SRPK2: variants seen among roughly 807,000 people sequenced by gnomAD.
SRPK2 encodes SRSF protein kinase 2, also known as SFRS protein kinase 2.
A neutral mutation model predicts 90.8 loss-of-function variants in SRPK2; 21 were observed. The observed-to-expected ratio is 0.23, with a 90% CI of 0.16 to 0.33. The LOEUF (loss-of-function observed/expected upper bound fraction) is 0.33, where lower values mean the gene tolerates loss of function less well. Among genes scored for constraint, SRPK2 ranks in the 10% least tolerant of loss-of-function variants. The pLI is 1.00. For synonymous variants in SRPK2, 288 were observed against 311.1 expected (o/e 0.93, Z 0.78); for missense variants, 620 against 869.0 (o/e 0.71, Z 3.60).
chr7:105,287,975 G>C (rs1808394029), intron 2 of SRPK2, among the ~76,000 whole-genome samples: 1 of 152,066 alleles, frequency 6.6e-6, no homozygotes, highest in African/African-American at 2.4e-5. Flanking sequence ...CAAAAACACT[G>C]CCATCACACC....
intron 7 of SRPK2, among the ~76,000 whole-genome samples, chr7:105,150,002 GT>G (rs1805384110): frequency 6.6e-6 from 1 of 151,794 alleles, no homozygotes; most frequent in South Asian, 2.1e-4. Flanking sequence ...CCTCACAGAG[GT>G]TACCAATTCA....
chr7:105,115,982 TAAAG>T (rs745548403), downstream of SRPK2, among the ~76,000 whole-genome samples: 7 of 152,178 alleles, frequency 4.6e-5, no homozygotes, highest in African/African-American at 9.6e-5. Flanking sequence ...GCAAATTTCA[TAAAG>T]AAATTAATGA....
intron 3 of SRPK2, among the ~76,000 whole-genome samples, chr7:105,176,621 GTA>G (rs60848545): frequency 1.4e-5 from 2 of 147,554 alleles, no homozygotes; most frequent in East Asian, 2.0e-4. Flanking sequence ...ATACGTGTGT[GTA>G]TATATATATA....
At chr7:105,165,365 T>C (rs1789902682) in intron 6 of SRPK2, among the ~76,000 whole-genome samples, 2 of 152,212 alleles carry the variant, frequency 1.3e-5, no homozygotes, top group South Asian at 2.1e-4. Context: ...CTTCCAAAGA[T>C]AACTAGTATT....
chr7:105,240,921 TTTA>T (rs1800734996), intron 2 of SRPK2, among the ~76,000 whole-genome samples: 1 of 152,230 alleles, frequency 6.6e-6, no homozygotes, highest in Non-Finnish European at 1.5e-5. Flanking sequence ...CCTGCAATGT[TTTA>T]TTGTTATTAT....
At chr7:105,275,429 AT>A (rs1422362271) in intron 2 of SRPK2, among the ~76,000 whole-genome samples, 1 of 47,950 alleles carries the variant, frequency 2.1e-5, no homozygotes, top group East Asian at 2.4e-4. Context: ...ATTCACTGTG[AT>A]TTCCCCCATT....
rs79317095 is a variant in SRPK2, at chr7:105,134,489, G to A, written c.1544-1385C>T. The stretch of plus-strand genomic sequence containing the variant: ...AAACCTGTTTTCTTTATAAACTACC[G>A]GGTTTCCGGTATTTTTTACAGCAAT... On this transcript the variant is annotated intron_variant, in intron 11 of 15. Transcript: ENST00000393651. Among the ~76,000 whole-genome samples, 1,505 of 152,296 alleles carry A rather than the reference G, an allele frequency of 9.9e-3. 13 individuals are homozygous for A. Among genetic ancestry groups the A allele is most frequent in the Non-Finnish European group, 0.016 (1,065 of 68,024 alleles).
chr7:105,153,694 G>A (rs1806086115), intron 7 of SRPK2, among the ~76,000 whole-genome samples: 1 of 152,112 alleles, frequency 6.6e-6, no homozygotes, highest in Admixed American at 6.6e-5. Flanking sequence ...TCCCACACCT[G>A]AACAAAGGAC....
At chr7:105,288,445 T>C (rs2082255559) in intron 2 of SRPK2, among the ~76,000 whole-genome samples, 1 of 151,882 alleles carries the variant, frequency 6.6e-6, no homozygotes, top group Non-Finnish European at 1.5e-5. Flanking sequence ...ATATAAAAAA[T>C]TAGCTGGGCG....
chr7:105,129,528 C>A (rs1355476289), intron 13 of SRPK2, among the ~76,000 whole-genome samples: 1 of 133,572 alleles, frequency 7.5e-6, no homozygotes, highest in Non-Finnish European at 1.7e-5. Context: ...GCACGTGCCA[C>A]CATGCCCAGC....
chr7:105,139,919 G>T (rs1803453794), intron 11 of SRPK2, among the ~76,000 whole-genome samples: 1 of 151,198 alleles, frequency 6.6e-6, no homozygotes, highest in African/African-American at 2.4e-5. Context: ...TGTCTGCAGG[G>T]GAACTGGTTC....
chr7:105,130,302 G>T (rs1801811092), intron 13 of SRPK2, among the ~76,000 whole-genome samples: 1 of 152,170 alleles, frequency 6.6e-6, no homozygotes, highest in Admixed American at 6.5e-5. Flanking sequence ...TGTAATCCCA[G>T]CACTATGGGA....
intron 3 of SRPK2, among the ~76,000 whole-genome samples, chr7:105,178,504 G>C (rs937601986): frequency 6.6e-6 from 1 of 152,084 alleles, no homozygotes; most frequent in South Asian, 2.1e-4. Context: ...CAAAAGACAC[G>C]GGAGGATTCC....
chr7:105,119,567 AT>A (rs1168895559), intron 15 of SRPK2, among the ~76,000 whole-genome samples: 1 of 152,182 alleles, frequency 6.6e-6, no homozygotes, highest in African/African-American at 2.4e-5. Flanking sequence ...TGTTTCCAAT[AT>A]GAGGACTGGA....
At chr7:105,147,463 G>A (rs928948519) in intron 7 of SRPK2, among the ~76,000 whole-genome samples, 10 of 152,056 alleles carry the variant, frequency 6.6e-5, no homozygotes, top group Admixed American at 1.3e-4. Context: ...GATTACAGGC[G>A]TATGCCACCA....
At chr7:105,230,046 G>C (rs1799234622) in intron 2 of SRPK2, among the ~76,000 whole-genome samples, 1 of 152,210 alleles carries the variant, frequency 6.6e-6, no homozygotes, top group African/African-American at 2.4e-5. Flanking sequence ...TGTAAAAGGA[G>C]AATCAGTGCC....
At chr7:105,354,511 A>T (rs1409830261) in intron 2 of SRPK2, among the ~76,000 whole-genome samples, 1 of 152,198 alleles carries the variant, frequency 6.6e-6, no homozygotes, top group Non-Finnish European at 1.5e-5. Context: ...CCAAAGCACA[A>T]GCCACACATC....
intron 6 of SRPK2, among the ~76,000 whole-genome samples, chr7:105,162,737 C>T (rs550004438): frequency 4.6e-5 from 7 of 152,248 alleles, no homozygotes; most frequent in African/African-American, 1.7e-4. Flanking sequence ...AGGCATAGGG[C>T]GAGGCCCAGG....
At chr7:105,168,137 T>A in intron 4 of SRPK2, 42 bp from the exon 5 acceptor site, 2 of 1,485,294 alleles carry the variant, frequency 1.3e-6, no homozygotes, top group Non-Finnish European at 1.8e-6. Context: ...ATCTATATTA[T>A]CAGTAGAAAG....
Sources: allele counts gnomAD v4.1 joint callset (sites outside exome capture counted in the v4.1 genomes callset), GRCh38; gene constraint gnomAD v4.1.1; transcripts MANE v1.5; gene names NCBI Gene and HGNC (gene_info 2026-07-23, HGNC 2026-07-21).